The following ZNF236 variants were observed in gnomAD, a reference collection of about 807,000 sequenced individuals.
ZNF236 encodes regulated by glucose.
Under a neutral mutation model 191.2 loss-of-function variants are expected in ZNF236, and 50 were observed. That is an observed-to-expected ratio of 0.26 (90% CI 0.21 to 0.33). ZNF236 has a LOEUF of 0.33. Among genes scored for constraint, ZNF236 ranks in the 10% least tolerant of loss-of-function variants. The pLI, the probability that ZNF236 is intolerant of heterozygous loss-of-function variation, is 1.00. For missense variants in ZNF236, 1,754 were observed against 2,374.5 expected, an observed-to-expected ratio of 0.74 and a Z score of 5.43; for synonymous variants, 907 against 928.8, an observed-to-expected ratio of 0.98 and a Z score of 0.43.
intron 19 of ZNF236, among the ~76,000 whole-genome samples, 186 bp downstream of exon 19, chr18:76,916,045 G>A (rs1334276444): frequency 3.9e-5 from 6 of 152,156 alleles, no homozygotes; most frequent in Non-Finnish European, 7.3e-5. Flanking sequence ...AAAATTCAGA[G>A]GTGCAATGAA....
chr18:76,904,393 C>T lies in ZNF236; in HGVS notation c.1908C>T (p.Pro636=), dbSNP rs769638736. ...TTTGCTTTGTAGGTCTCATCCAGCC[C>T]ATTCCAAAAAACCAGTTTTTCCAAA... ...ILITDLGLIQ[P]IPKNQFFQSY... Residue 636 remains proline (P), a synonymous_variant, in exon 12 of 31, where the codon CCC becomes CCT. Coordinates refer to ENST00000320610, the MANE Select transcript of ZNF236 (RefSeq NM_001306089.2). The T allele has an allele frequency of 8.1e-6, 13 of 1,608,366 alleles. No individual in the cohort carries two copies. Among genetic ancestry groups the T allele is most frequent in the Admixed American group, 6.8e-5 (4 of 59,040 alleles).
At chr18:76,874,888 C>T (rs927156123) in intron 5 of ZNF236, among the ~76,000 whole-genome samples, 7 of 152,166 alleles carry the variant, frequency 4.6e-5, no homozygotes, top group South Asian at 2.1e-4. Flanking sequence ...ACTGCACTGG[C>T]GCCTCCTCTA....
chr18:76,829,430 C>A (rs1401154365), intron 1 of ZNF236, among the ~76,000 whole-genome samples: 1 of 151,806 alleles, frequency 6.6e-6, no homozygotes, highest in African/African-American at 2.4e-5. Context: ...CGGACTCAAG[C>A]CATCCTCTCA....
intron 13 of ZNF236, among the ~76,000 whole-genome samples, chr18:76,906,120 GA>G (rs1977733726): frequency 6.6e-6 from 1 of 152,198 alleles, no homozygotes; most frequent in African/African-American, 2.4e-5. Flanking sequence ...TTTTAACCCA[GA>G]TATGTCTGCC....
At chr18:76,913,682 AGGT>A (rs1451802459) in intron 17 of ZNF236, 62 bp from the exon 18 acceptor site, 3 of 1,547,576 alleles carry the variant, frequency 1.9e-6, no homozygotes, top group Non-Finnish European at 2.6e-6. Context: ...TTCCCTTTTC[AGGT>A]GCTGTATTTG....
At chr18:76,956,798 C>T (rs1446373298) in intron 28 of ZNF236, among the ~76,000 whole-genome samples, 1 of 152,184 alleles carries the variant, frequency 6.6e-6, no homozygotes, top group Non-Finnish European at 1.5e-5. Context: ...GCTCTGATAT[C>T]CAGCCCAGGG....
intron 28 of ZNF236, among the ~76,000 whole-genome samples, chr18:76,959,243 GGGCCTCAGGCCACAACCTATGGGT>G (rs1312676925): frequency 1.3e-5 from 2 of 152,162 alleles, no homozygotes; most frequent in Non-Finnish European, 2.9e-5. Context: ...GGGTGCCGCA[GGGCCTCAGGCCACAACCTATGGGT>G]GGCCTCAGGC....
At chr18:76,895,607 G>A (rs1032138394) in intron 10 of ZNF236, among the ~76,000 whole-genome samples, 2 of 151,072 alleles carry the variant, frequency 1.3e-5, no homozygotes, top group Admixed American at 6.6e-5. Context: ...ACTGCACACA[G>A]GTACTGCACA....
At chr18:76,952,473 C>T (rs1968432386) in intron 27 of ZNF236, among the ~76,000 whole-genome samples, 1 of 152,256 alleles carries the variant, frequency 6.6e-6, no homozygotes, top group South Asian at 2.1e-4. Context: ...CTGCCTCTGG[C>T]CTGTGCTTCT....
Position 76,913,958 on chromosome 18 carries a change from A to G in ZNF236, c.3061+60A>G, listed in dbSNP as rs1292708567. On this transcript the variant is annotated intron_variant, in intron 18 of 30. Transcript: ENST00000320610. ...TTAAAGAAAAAAGCTTTATTGAGAT[A>G]TAATCCATATACCATTCAGTTCACC... The G allele has an allele frequency of 7.6e-6, 12 of 1,569,564 alleles. No homozygotes were observed. In the South Asian group the frequency reaches 1.1e-4, roughly 15 times the overall value.
At chr18:76,962,764 G>A (rs1469177178) in intron 30 of ZNF236, among the ~76,000 whole-genome samples, 1 of 152,042 alleles carries the variant, frequency 6.6e-6, no homozygotes, top group Admixed American at 6.6e-5. Flanking sequence ...CCTTGTGGAG[G>A]TCTTTTACCT....
chr18:76,956,275 T>G (rs1968522625), intron 28 of ZNF236, 93 bp downstream of exon 28: 2 of 1,464,256 alleles, frequency 1.4e-6, no homozygotes, highest in African/African-American at 2.8e-5. Context: ...ATCTGGCATG[T>G]GTTTTTGAGG....
intron 7 of ZNF236, among the ~76,000 whole-genome samples, chr18:76,878,841 A>G (rs897857901): frequency 1.3e-5 from 2 of 152,240 alleles, no homozygotes; most frequent in African/African-American, 4.8e-5. Context: ...ACTTGGTTGT[A>G]TTATGTCAAC....
intron 1 of ZNF236, among the ~76,000 whole-genome samples, chr18:76,844,040 G>A (rs1270853764): frequency 6.6e-6 from 1 of 151,788 alleles, no homozygotes; most frequent in Non-Finnish European, 1.5e-5. Context: ...AGGAGTTCGA[G>A]ACCAGCCTAA....
At chr18:76,898,573 G>A (rs969601854) in intron 10 of ZNF236, among the ~76,000 whole-genome samples, 1 of 152,218 alleles carries the variant, frequency 6.6e-6, no homozygotes, top group Non-Finnish European at 1.5e-5. Context: ...TTTACAATCA[G>A]TGACAACTAC....
intron 26 of ZNF236, among the ~76,000 whole-genome samples, chr18:76,939,771 A>G (rs551878190): frequency 6.6e-6 from 1 of 151,362 alleles, no homozygotes; most frequent in African/African-American, 2.4e-5. Flanking sequence ...CGACCCTAGC[A>G]CTGCATTTGG....
At chr18:76,848,642 A>G (rs1975771441) in intron 1 of ZNF236, among the ~76,000 whole-genome samples, 1 of 152,124 alleles carries the variant, frequency 6.6e-6, no homozygotes, top group Non-Finnish European at 1.5e-5. Flanking sequence ...TGAACCTCCT[A>G]AGCCATGTCT....
Position 76,881,346 on chromosome 18 carries a change from C to T in ZNF236, c.1251C>T (p.Cys417=). 1.2e-6 allele frequency: 2 copies of T among 1,614,144 alleles called. No homozygotes were observed. The highest frequency in any genetic ancestry group is 1.7e-6 in the Non-Finnish European group (2 of 1,180,026). Residue 417 remains cysteine, a synonymous_variant, in exon 9 of 31, where the codon TGC becomes TGT. Coordinates refer to ENST00000320610, the MANE Select transcript of ZNF236 (RefSeq NM_001306089.2). ...CTGCAGCACATCCTAATGACTCCTG[C>T]CATGCCAAGACCTCTGCACCACACG... The part of the protein sequence containing the change: ...IPAAAHPNDS[C]HAKTSAPHAQ...
chr18:76,850,803 A>G (rs898264033), intron 2 of ZNF236, among the ~76,000 whole-genome samples: 10 of 151,830 alleles, frequency 6.6e-5, no homozygotes, highest in Non-Finnish European at 1.3e-4. Context: ...GGCTTTCGCC[A>G]TGTTGGCCAG....
Sources: gnomAD v4.1 joint callset for allele counts (sites outside exome capture counted in the v4.1 genomes callset) on GRCh38, gnomAD v4.1.1 for gene constraint, MANE v1.5 for transcripts, NCBI Gene and HGNC (gene_info 2026-07-23, HGNC 2026-07-21) for gene names.